Variants in TAFA2 observed in about 807,000 individuals in gnomAD.
The protein encoded by TAFA2 is chemokine-like protein TAFA-2.
A neutral mutation model predicts 18.8 loss-of-function variants in TAFA2; 7 were observed. The observed-to-expected ratio is 0.37, with a 90% CI of 0.21 to 0.70. TAFA2 has a LOEUF of 0.70. TAFA2 is among the 30% of genes least tolerant of loss of function. TAFA2 has a pLI of 0.53. For synonymous variants in TAFA2, 60 were observed against 54.2 expected, an observed-to-expected ratio of 1.11 and a Z score of -0.47; for missense variants, 122 against 158.1, an observed-to-expected ratio of 0.77 and a Z score of 1.23.
chr12:62,132,844 A>C (rs906626817), intron 1 of TAFA2, among the ~76,000 whole-genome samples: 1 of 151,986 alleles, frequency 6.6e-6, no homozygotes, highest in Non-Finnish European at 1.5e-5. Flanking sequence ...CCATAGCTAC[A>C]TTTCTGGAAA....
At chr12:61,872,659 C>A (rs1435972037) in intron 1 of TAFA2, among the ~76,000 whole-genome samples, 1 of 152,086 alleles carries the variant, frequency 6.6e-6, no homozygotes, top group African/African-American at 2.4e-5. Flanking sequence ...ATCCCTGTAC[C>A]CCAGGTTCCC....
At chr12:62,176,568 A>C (rs1321960771) in intron 1 of TAFA2, among the ~76,000 whole-genome samples, 1 of 152,232 alleles carries the variant, frequency 6.6e-6, no homozygotes, top group Non-Finnish European at 1.5e-5. Context: ...AATTCGAATG[A>C]ATAAATATTT....
intron 1 of TAFA2, among the ~76,000 whole-genome samples, chr12:62,249,114 C>T (rs2062899784): frequency 6.6e-6 from 1 of 151,774 alleles, no homozygotes; most frequent in South Asian, 2.1e-4. Context: ...TGATAAATTA[C>T]CTAAAATGTT....
intron 4 of TAFA2, among the ~76,000 whole-genome samples, chr12:61,732,831 C>G (rs1044034300): frequency 2.6e-5 from 4 of 151,704 alleles, no homozygotes; most frequent in African/African-American, 9.7e-5. Context: ...GGAGAAAATT[C>G]CTGAATGCAT....
chr12:62,202,088 C>T (rs2062673245), intron 1 of TAFA2, among the ~76,000 whole-genome samples: 2 of 151,910 alleles, frequency 1.3e-5, no homozygotes, highest in African/African-American at 4.8e-5. Flanking sequence ...TGATGATATC[C>T]CCTTTATGAT....
chr12:62,187,489 ATATGTATG>A (rs548705380), intron 1 of TAFA2, among the ~76,000 whole-genome samples: 4 of 152,180 alleles, frequency 2.6e-5, no homozygotes, highest in African/African-American at 9.6e-5. Context: ...CATTTAAAGC[ATATGTATG>A]TATGTATGTA....
At chr12:61,912,710 G>T (rs349877) in intron 1 of TAFA2, among the ~76,000 whole-genome samples, 32 of 152,086 alleles carry the variant, frequency 2.1e-4, no homozygotes, top group Middle Eastern at 3.2e-3. Context: ...ACACACTCCT[G>T]TTCACTTCCC....
At chr12:62,034,453 T>C (rs1881547394) in intron 1 of TAFA2, among the ~76,000 whole-genome samples, 2 of 152,374 alleles carry the variant, frequency 1.3e-5, no homozygotes, top group Admixed American at 6.5e-5. Flanking sequence ...TTAGCTGTAA[T>C]GTTTATTCTA....
intron 1 of TAFA2, chr12:62,070,586 G>A (rs573042458): frequency 6.6e-6 from 1 of 152,124 alleles, no homozygotes. Flanking sequence ...AAAATCAATT[G>A]TAATTATCCA....
chr12:61,861,378 T>C (rs1050000997), intron 2 of TAFA2, among the ~76,000 whole-genome samples: 27 of 151,272 alleles, frequency 1.8e-4, no homozygotes, highest in African/African-American at 6.6e-4. Flanking sequence ...GCCTCCCGAG[T>C]AGCTGGGACT....
At chr12:61,741,525 T>C (rs943726057) in intron 4 of TAFA2, among the ~76,000 whole-genome samples, 1 of 152,124 alleles carries the variant, frequency 6.6e-6, no homozygotes, top group African/African-American at 2.4e-5. Flanking sequence ...ATTTAGTTGC[T>C]ATATACTAAG....
rs148660420 is a variant in TAFA2, at chr12:62,245,388, G to A, written c.-130+13375C>T. 7.9e-5 allele frequency among the ~76,000 whole-genome samples: 12 copies of A among 151,762 alleles called. No individual in the cohort carries two copies. In the East Asian group the frequency reaches 2.1e-3, roughly 27 times the overall value. On this transcript the variant is annotated intron_variant, in intron 1 of 5. Coordinates refer to the TAFA2 transcript ENST00000551619. ...TACTTAATAGATAATTGATATTTGT[G>A]TGATCTTATGTTCAACAAGTTTGCC...
intron 1 of TAFA2, among the ~76,000 whole-genome samples, chr12:61,904,468 AC>A (rs1876253462): frequency 1.3e-5 from 2 of 152,072 alleles, no homozygotes; most frequent in South Asian, 4.2e-4. Context: ...TGGAGCAACC[AC>A]TCTCCCAGGT....
At chr12:61,778,240 C>A (rs1870354681) in intron 2 of TAFA2, among the ~76,000 whole-genome samples, 1 of 151,802 alleles carries the variant, frequency 6.6e-6, no homozygotes, top group Non-Finnish European at 1.5e-5. Flanking sequence ...AAGCTCATTC[C>A]TTGACTACTG....
At position 61,815,580 on chromosome 12, in the gene TAFA2, G is replaced by A. The variant is rs545493963; in HGVS notation, c.106+51740C>T. 6.0e-5 allele frequency among the ~76,000 whole-genome samples: 9 copies of A among 150,650 alleles called. 2 individuals are homozygous for A. The highest frequency in any genetic ancestry group is 2.0e-4 in the Admixed American group (3 of 15,214). ...CGGGAGGCTGAGGCGGGAGAATGGC[G>A]TGAACCCAGGAGGTGGAGCTTGCAG... is the stretch of plus-strand genomic sequence containing the variant. On this transcript the variant is annotated intron_variant, in intron 2 of 4. Coordinates refer to ENST00000416284, the MANE Select transcript of TAFA2 (RefSeq NM_178539.5).
chr12:61,778,988 A>T (rs1870391691), intron 2 of TAFA2, among the ~76,000 whole-genome samples: 1 of 151,888 alleles, frequency 6.6e-6, no homozygotes, highest in African/African-American at 2.4e-5. Context: ...AAAACAAGTT[A>T]CGTTTTCAAA....
chr12:62,222,194 AAC>A (rs141466916), intron 1 of TAFA2, among the ~76,000 whole-genome samples: 2 of 151,280 alleles, frequency 1.3e-5, no homozygotes. Context: ...AGGTATAATA[AAC>A]ACACACACAC....
At chr12:61,791,477 A>T (rs1018739738) in intron 2 of TAFA2, among the ~76,000 whole-genome samples, 3 of 151,834 alleles carry the variant, frequency 2.0e-5, no homozygotes, top group African/African-American at 7.2e-5. Flanking sequence ...TATACATCTG[A>T]CAAGGGGTAA....
chr12:62,223,328 G>A (rs1307506089), intron 1 of TAFA2, among the ~76,000 whole-genome samples: 3 of 152,016 alleles, frequency 2.0e-5, no homozygotes, highest in Non-Finnish European at 4.4e-5. Flanking sequence ...ACAAGCATGC[G>A]CCAACCATCC....
Sources: gnomAD v4.1 joint callset for allele counts (sites outside exome capture counted in the v4.1 genomes callset) on GRCh38, gnomAD v4.1.1 for gene constraint, MANE v1.5 for transcripts, NCBI Gene and HGNC (gene_info 2026-07-23, HGNC 2026-07-21) for gene names.